Variants in ACTR10 observed in about 807,000 individuals in gnomAD.
ACTR10 encodes the protein actin-related protein 10.
In ACTR10, 43 loss-of-function variants were observed where a neutral mutation model predicts 56.2. That is an observed-to-expected ratio of 0.77 (90% CI 0.60 to 0.99). The LOEUF (loss-of-function observed/expected upper bound fraction) is 0.99. Ranked by LOEUF, ACTR10 falls within the 50% of genes least tolerant of loss-of-function variation. ACTR10 has a pLI of 0.00. For missense variants in ACTR10, 466 were observed against 507.8 expected, an observed-to-expected ratio of 0.92 and a Z score of 0.79; for synonymous variants, 170 against 176.3, an observed-to-expected ratio of 0.96 and a Z score of 0.28.
chr14:58,214,323 AAT>A (rs1889076904), intron 6 of ACTR10, among the ~76,000 whole-genome samples: 1 of 152,004 alleles, frequency 6.6e-6, no homozygotes, highest in African/African-American at 2.4e-5. Context: ...CAGTTCCATC[AAT>A]GTTGTTGCAA....
intron 12 of ACTR10, among the ~76,000 whole-genome samples, chr14:58,233,120 G>C (rs563952322): frequency 6.6e-6 from 1 of 151,460 alleles, no homozygotes. Context: ...TGATCCGCCC[G>C]CCTCTGCCTC....
At chr14:58,231,327 C>T (rs188489661) in intron 11 of ACTR10, among the ~76,000 whole-genome samples, 15 of 151,576 alleles carry the variant, frequency 9.9e-5, no homozygotes, top group Admixed American at 4.0e-4. Context: ...GCTGTACAGG[C>T]GTGAGCCACC....
In ACTR10 at chr14:58,234,716, C is replaced by T. The variant is rs1267987882; in HGVS notation, c.*165C>T. 7.5e-6 allele frequency: 4 copies of T among 535,046 alleles called. No homozygotes were observed. The highest frequency in any genetic ancestry group is 5.5e-5 in the South Asian group (1 of 18,230). The allele number at this position is 535,046 out of a possible 1,614,324, so 33.1% of individuals were successfully genotyped here. On this transcript the variant is annotated 3_prime_UTR_variant, in exon 13 of 13. Coordinates refer to ENST00000254286, the MANE Select transcript of ACTR10 (RefSeq NM_018477.3). The stretch of plus-strand genomic sequence containing the variant: ...ATATAATTCTTTTGACTTTGTTTCT[C>T]TTGTGTAGTGGTAAAATGGTAGCTG...
chr14:58,228,173 A>G (rs569301066), intron 10 of ACTR10, among the ~76,000 whole-genome samples: 1 of 152,362 alleles, frequency 6.6e-6, no homozygotes, highest in African/African-American at 2.4e-5. Context: ...ATCTCATATT[A>G]GAGACCCAAA....
chr14:58,231,954 TATAATA>T (rs971353587), intron 11 of ACTR10, 106 bp from the exon 12 acceptor site: 4 of 552,072 alleles, frequency 7.2e-6, no homozygotes, highest in Admixed American at 4.0e-5. Context: ...TAATCTGTAG[TATAATA>T]ATAATATGTA....
Position 58,223,407 on chromosome 14 carries a change from G to C in ACTR10, c.635-215G>C, listed in dbSNP as rs1427498965. On this transcript the variant is annotated intron_variant, in intron 8 of 12. Coordinates refer to ENST00000254286, the MANE Select transcript of ACTR10 (RefSeq NM_018477.3). ...CCTGCCTCGGCCTCCCAAAGTGCTG[G>C]GATTACAGGCAAGAGCCACTGCACC... 7 of 494,784 alleles carry C rather than the reference G, an allele frequency of 1.4e-5. No individual in the cohort carries two copies. In the East Asian group the frequency reaches 2.2e-4, roughly 15 times the overall value. The allele number at this position is 494,784 out of a possible 1,614,324, so 30.6% of individuals were successfully genotyped here. A position where few individuals can be genotyped will look rare whatever the true frequency, so the allele number is the denominator to read the frequency against.
chr14:58,223,939 C>A, intron 10 of ACTR10, 83 bp downstream of exon 10: 2 of 1,017,858 alleles, frequency 2.0e-6, no homozygotes, highest in Non-Finnish European at 1.5e-6. Flanking sequence ...GCCTTTATTT[C>A]ACTATTGCCA....
chr14:58,213,518 A>C, intron 5 of ACTR10, 113 bp from the exon 6 acceptor site: 1 of 524,844 alleles, frequency 1.9e-6, no homozygotes, highest in South Asian at 5.2e-5. Context: ...AAAAATAAGA[A>C]ATAAAAATTT....
At chr14:58,211,462 G>C (rs1888993622) in intron 5 of ACTR10, 63 bp downstream of exon 5, 14 of 1,153,412 alleles carry the variant, frequency 1.2e-5, no homozygotes, top group Non-Finnish European at 1.7e-5. Context: ...AAATAATTAG[G>C]CTAATTATAA....
At chr14:58,224,157 T>C (rs1889346004) in intron 10 of ACTR10, among the ~76,000 whole-genome samples, 1 of 151,806 alleles carries the variant, frequency 6.6e-6, no homozygotes, top group Non-Finnish European at 1.5e-5. Context: ...CCTGCCACCA[T>C]GCCTGGCTAA....
intron 1 of ACTR10, among the ~76,000 whole-genome samples, chr14:58,202,477 A>G (rs956196980): frequency 6.6e-6 from 1 of 151,684 alleles, no homozygotes; most frequent in African/African-American, 2.4e-5. Flanking sequence ...CCAGCTACTC[A>G]GGAGCCTGAG....
chr14:58,206,379 C>T lies in ACTR10; in HGVS notation c.151-1557C>T, dbSNP rs1049381255. ...TGTATTTTTAGTAGAGACGGGGTTTCGCCGTGTTGGCCAGCCTGGTCTCAA... is the reference window on the plus strand; with the variant it reads ...TGTATTTTTAGTAGAGACGGGGTTTTGCCGTGTTGGCCAGCCTGGTCTCAA... On this transcript the variant is annotated intron_variant, in intron 2 of 12. Coordinates refer to ENST00000254286, the MANE Select transcript of ACTR10 (RefSeq NM_018477.3). Among the ~76,000 whole-genome samples the T allele has an allele frequency of 7.3e-5, 11 of 151,488 alleles. No individual in the cohort carries two copies. In the East Asian group the frequency reaches 7.8e-4, roughly 11 times the overall value.
intron 6 of ACTR10, among the ~76,000 whole-genome samples, chr14:58,214,708 C>T (rs1321497071): frequency 6.8e-6 from 1 of 147,650 alleles, no homozygotes; most frequent in Non-Finnish European, 1.5e-5. Flanking sequence ...CCAGGCTGTT[C>T]TCAAACTCCT....
At chr14:58,224,728 C>T (rs1054687924) in intron 10 of ACTR10, among the ~76,000 whole-genome samples, 11 of 152,064 alleles carry the variant, frequency 7.2e-5, no homozygotes, top group Non-Finnish European at 1.5e-4. Context: ...CTTGGCCGGG[C>T]GCAGTGGCTC....
intron 4 of ACTR10, 38 bp from the exon 5 acceptor site, chr14:58,211,254 C>G: frequency 7.0e-7 from 1 of 1,423,620 alleles, no homozygotes; most frequent in Non-Finnish European, 9.9e-7. Context: ...TAATGACACT[C>G]ATTCCGGTTT....
At chr14:58,202,156 A>G (rs948706704) in intron 1 of ACTR10, among the ~76,000 whole-genome samples, 2 of 152,196 alleles carry the variant, frequency 1.3e-5, no homozygotes, top group Non-Finnish European at 1.5e-5. Context: ...ATACACCAAT[A>G]TGGAAGCTAA....
chr14:58,231,139 C>T (rs1217874895), intron 11 of ACTR10: 8 of 284,278 alleles, frequency 2.8e-5, no homozygotes, highest in South Asian at 8.1e-5. Context: ...GCACAACCTC[C>T]GCCCCCGGGT....
At chr14:58,202,797 C>A in intron 1 of ACTR10, 58 bp from the exon 2 acceptor site, 1 of 1,220,310 alleles carries the variant, frequency 8.2e-7, no homozygotes, top group East Asian at 2.4e-5. Flanking sequence ...AAATTAGTTT[C>A]TGTGACAAAT....
At chr14:58,219,459 G>A (rs1377800919) in intron 7 of ACTR10, 1 of 354,406 alleles carries the variant, frequency 2.8e-6, no homozygotes, top group Non-Finnish European at 5.1e-6. Flanking sequence ...TCACCAGAAA[G>A]ATAAACTTGA....
Sources: gnomAD v4.1 joint callset for allele counts (sites outside exome capture counted in the v4.1 genomes callset) on GRCh38, gnomAD v4.1.1 for gene constraint, MANE v1.5 for transcripts, NCBI Gene and HGNC (gene_info 2026-07-23, HGNC 2026-07-21) for gene names.